LRP1B: variants seen among roughly 807,000 people sequenced by gnomAD.
LRP1B encodes LDL receptor related protein 1B.
LRP1B carries 217 observed loss-of-function variants against 556.6 expected under a neutral mutation model. That is an observed-to-expected ratio of 0.39 (90% CI 0.35 to 0.44). The LOEUF is 0.44. LRP1B is among the 20% of genes least tolerant of loss of function. LRP1B has a pLI of 1.00. For missense variants in LRP1B, 5,053 were observed against 5,620.8 expected, an observed-to-expected ratio of 0.90 and a Z score of 3.23; for synonymous variants, 2,047 against 1,865.8, an observed-to-expected ratio of 1.10 and a Z score of -2.50.
chr2:141,042,243 T>C (rs961301093), intron 11 of LRP1B, among the ~76,000 whole-genome samples: 2 of 151,988 alleles, frequency 1.3e-5, no homozygotes, highest in East Asian at 1.9e-4. Flanking sequence ...GCTTAGAACA[T>C]GGAGAAAGTA....
intron 37 of LRP1B, 62 bp from the exon 38 acceptor site, chr2:140,702,615 G>A (rs1686690674): frequency 2.0e-5 from 29 of 1,486,772 alleles, no homozygotes; most frequent in Non-Finnish European, 2.6e-5. Flanking sequence ...GCAGAGCTAT[G>A]CAAAAAGACA....
chr2:142,081,297 T>C (rs1313103018), intron 1 of LRP1B, among the ~76,000 whole-genome samples: 1 of 152,150 alleles, frequency 6.6e-6, no homozygotes, highest in Non-Finnish European at 1.5e-5. Flanking sequence ...AGTAATGTAA[T>C]ATAAATAATA....
intron 41 of LRP1B, among the ~76,000 whole-genome samples, chr2:140,625,030 G>A (rs1406967410): frequency 6.6e-6 from 1 of 152,122 alleles, no homozygotes; most frequent in Non-Finnish European, 1.5e-5. Context: ...AGAAATAGGA[G>A]CAGAGAAAGG....
At chr2:140,846,219 T>C (rs1692269569) in intron 29 of LRP1B, among the ~76,000 whole-genome samples, 1 of 151,944 alleles carries the variant, frequency 6.6e-6, no homozygotes, top group East Asian at 1.9e-4. Context: ...CAACTTGGAG[T>C]TTTGTACTGA....
chr2:141,635,092 T>C (rs960732491), intron 2 of LRP1B, among the ~76,000 whole-genome samples: 2 of 150,592 alleles, frequency 1.3e-5, no homozygotes, highest in African/African-American at 4.9e-5. Context: ...GAGAAAGACT[T>C]ACTCCCATTC....
At chr2:142,093,659 G>A (rs138110043) in intron 1 of LRP1B, among the ~76,000 whole-genome samples, 38 of 152,144 alleles carry the variant, frequency 2.5e-4, no homozygotes, top group African/African-American at 8.4e-4. Flanking sequence ...GTGCATGTGC[G>A]TGGGTTTTAG....
intron 1 of LRP1B, among the ~76,000 whole-genome samples, chr2:141,811,114 A>G (rs1696339422): frequency 6.6e-6 from 1 of 152,102 alleles, no homozygotes; most frequent in South Asian, 2.1e-4. Context: ...AAGTCCTCGC[A>G]AACTCATCAG....
At chr2:141,519,118 A>G (rs1048363004) in intron 2 of LRP1B, among the ~76,000 whole-genome samples, 5 of 151,982 alleles carry the variant, frequency 3.3e-5, no homozygotes, top group African/African-American at 7.2e-5. Context: ...GTCTGCTGTG[A>G]GAGAAAACCA....
intron 2 of LRP1B, among the ~76,000 whole-genome samples, chr2:141,808,931 C>T (rs1333749785): frequency 6.6e-6 from 1 of 152,074 alleles, no homozygotes; most frequent in Non-Finnish European, 1.5e-5. Context: ...GTACTTCATT[C>T]CTTTTCATTA....
intron 7 of LRP1B, among the ~76,000 whole-genome samples, chr2:141,130,217 A>G (rs1008621207): frequency 1.3e-5 from 2 of 152,220 alleles, no homozygotes; most frequent in East Asian, 1.9e-4. Context: ...ACAAACATTC[A>G]TAACACATAT....
At chr2:141,325,024 A>G (rs2105479071) in intron 3 of LRP1B, among the ~76,000 whole-genome samples, 1 of 152,230 alleles carries the variant, frequency 6.6e-6, no homozygotes, top group Middle Eastern at 3.4e-3. Flanking sequence ...AGAATAGGAA[A>G]CTGGATTAGA....
intron 66 of LRP1B, among the ~76,000 whole-genome samples, chr2:140,396,473 C>T (rs932521408): frequency 6.6e-6 from 1 of 152,128 alleles, no homozygotes; most frequent in East Asian, 1.9e-4. Flanking sequence ...AAGGTAGAAA[C>T]AGCCCAAAAG....
At chr2:141,440,189 C>T (rs1371195259) in intron 3 of LRP1B, among the ~76,000 whole-genome samples, 1 of 152,200 alleles carries the variant, frequency 6.6e-6, no homozygotes, top group Admixed American at 6.5e-5. Context: ...GTGGTTTGAG[C>T]AAAGGCGAGG....
In LRP1B at chr2:141,069,078, A is replaced by ATATAT. The variant is rs1199640746; in HGVS notation, c.1014-6810_1014-6806dup. Reference sequence around the variant, plus strand: ...ATTATTTTTATCTCTTTTAAATTCAATATATTACTCAAACCACGGATTTTC... The same window carrying ATATAT: ...ATTATTTTTATCTCTTTTAAATTCAATATATTATATTACTCAAACCACGGATTTTC... On this transcript the variant is annotated intron_variant, in intron 7 of 90. Coordinates refer to ENST00000389484, the MANE Select transcript of LRP1B (RefSeq NM_018557.3). 5.9e-5 allele frequency among the ~76,000 whole-genome samples: 9 copies of ATATAT among 152,182 alleles called. No homozygotes were observed. In the East Asian group the frequency reaches 7.8e-4, roughly 13 times the overall value.
chr2:141,481,016 TC>T (rs1292368350), intron 2 of LRP1B, among the ~76,000 whole-genome samples: 6 of 152,218 alleles, frequency 3.9e-5, no homozygotes, highest in Non-Finnish European at 8.8e-5. Flanking sequence ...TTATATTTAG[TC>T]TGTTCTTTAA....
intron 53 of LRP1B, among the ~76,000 whole-genome samples, chr2:140,503,974 G>C (rs532338028): frequency 1.3e-5 from 2 of 152,126 alleles, no homozygotes; most frequent in Admixed American, 1.3e-4. Context: ...AATAGCCTTA[G>C]CTACCCTAGT....
chr2:141,560,086 C>T (rs1056514661), intron 2 of LRP1B, among the ~76,000 whole-genome samples: 5 of 151,508 alleles, frequency 3.3e-5, no homozygotes, highest in Non-Finnish European at 5.9e-5. Flanking sequence ...ACTCTTTTGA[C>T]CCCTGAGACA....
intron 32 of LRP1B, among the ~76,000 whole-genome samples, chr2:140,784,423 A>ACACACACACAC (rs1559117345): frequency 1.1e-4 from 8 of 76,078 alleles, no homozygotes; most frequent in Admixed American, 6.7e-4. Flanking sequence ...CACACACACA[A>ACACACACACAC]AAGGCTCAGT....
chr2:140,575,270 C>G (rs147126101), intron 43 of LRP1B, among the ~76,000 whole-genome samples: 1 of 152,256 alleles, frequency 6.6e-6, no homozygotes, highest in East Asian at 1.9e-4. Flanking sequence ...TGCATAATCT[C>G]TAAGTGCCCA....
Sources: allele counts gnomAD v4.1 joint callset (sites outside exome capture counted in the v4.1 genomes callset), GRCh38; gene constraint gnomAD v4.1.1; transcripts MANE v1.5; gene names NCBI Gene and HGNC (gene_info 2026-07-23, HGNC 2026-07-21).